Variants in UNC13C observed in about 807,000 individuals in gnomAD.
The protein encoded by UNC13C is unc-13 homolog C.
In UNC13C, 174 loss-of-function variants were observed where a neutral mutation model predicts 245.4. The observed-to-expected ratio is 0.71, with a 90% CI of 0.63 to 0.80. The LOEUF (loss-of-function observed/expected upper bound fraction) is 0.80. UNC13C is among the 30% of genes least tolerant of loss of function. The pLI, the probability that UNC13C is intolerant of heterozygous loss-of-function variation, is 0.00. For missense variants in UNC13C, 2,829 were observed against 2,602.9 expected, an observed-to-expected ratio of 1.09 and a Z score of -1.89; for synonymous variants, 992 against 895.1, an observed-to-expected ratio of 1.11 and a Z score of -1.93.
At chr15:54,544,155 A>T (rs554576051) in intron 26 of UNC13C, among the ~76,000 whole-genome samples, 14 of 152,294 alleles carry the variant, frequency 9.2e-5, no homozygotes, top group African/African-American at 2.9e-4. Context: ...CAAATCAGTA[A>T]ATGTAATCCA....
intron 19 of UNC13C, among the ~76,000 whole-genome samples, chr15:54,426,438 C>G (rs1305509717): frequency 6.6e-6 from 1 of 150,430 alleles, no homozygotes; most frequent in Non-Finnish European, 1.5e-5. Context: ...TAGTGCCCTC[C>G]AACATGGTGC....
intron 13 of UNC13C, among the ~76,000 whole-genome samples, chr15:54,312,184 T>C (rs1054672333): frequency 1.3e-5 from 2 of 151,720 alleles, no homozygotes; most frequent in African/African-American, 4.8e-5. Context: ...TGTGTTTTCA[T>C]GTAGACATAT....
chr15:54,424,209 A>T (rs1327188760), intron 19 of UNC13C, among the ~76,000 whole-genome samples: 3 of 151,886 alleles, frequency 2.0e-5, no homozygotes, highest in Non-Finnish European at 4.4e-5. Context: ...CCAATGAAAA[A>T]AAAAATAGCT....
intron 24 of UNC13C, among the ~76,000 whole-genome samples, chr15:54,515,838 C>T (rs1894950815): frequency 6.6e-6 from 1 of 152,106 alleles, no homozygotes. Flanking sequence ...AATGATAATG[C>T]TATTTGTATT....
At position 54,497,760 on chromosome 15, in the gene UNC13C, T is replaced by C. The variant is rs895183917; in HGVS notation, c.5061-2319T>C. ...TAATAGCATAGATTAGTTTTATAGA[T>C]TTTTATACTTTTTATAAATGGAATC... is the stretch of plus-strand genomic sequence containing the variant. On this transcript the variant is annotated intron_variant, in intron 20 of 32. Coordinates refer to ENST00000260323, the MANE Select transcript of UNC13C (RefSeq NM_001080534.3). Among the ~76,000 whole-genome samples the C allele has an allele frequency of 4.6e-5, 7 of 152,168 alleles. No homozygotes were observed. In the South Asian group the frequency reaches 1.5e-3, roughly 32 times the overall value.
intron 4 of UNC13C, among the ~76,000 whole-genome samples, chr15:54,176,832 A>G (rs1015786046): frequency 1.3e-5 from 2 of 152,156 alleles, no homozygotes; most frequent in Non-Finnish European, 2.9e-5. Flanking sequence ...TCTATGGAAC[A>G]AAAAGATGAA....
chr15:54,152,021 G>A (rs2032541629), intron 4 of UNC13C, among the ~76,000 whole-genome samples: 1 of 152,160 alleles, frequency 6.6e-6, no homozygotes, highest in South Asian at 2.1e-4. Context: ...CACTTCCAAA[G>A]GACTAGCATT....
Position 54,623,853 on chromosome 15 carries a change from A to T in UNC13C, c.6258A>T (p.Glu2086Asp). Residue 2086 changes from glutamate (E) to aspartate (D), a missense_variant, in exon 32 of 33, where the codon GAA becomes GAT. By Grantham distance (45) the Glu-to-Asp change is conservative. Coordinates refer to ENST00000260323, the MANE Select transcript of UNC13C (RefSeq NM_001080534.3). ...QTTAMFRPFV[E>D]VCILGPNLGD... ...CAGCAATGTTCCGCCCCTTTGTGGA[A>T]GTTTGTATACTGGGACCCAACCTTG... 1 of 1,613,168 alleles carries T rather than the reference A, an allele frequency of 6.2e-7. No homozygotes were observed.
chr15:53,976,637 A>T (rs1177416688), upstream of UNC13C: 2 of 151,946 alleles, frequency 1.3e-5, no homozygotes, highest in African/African-American at 2.4e-5. Flanking sequence ...AAGTCTGGCT[A>T]ATTTTCCTAC....
chr15:54,496,387 G>A (rs1893949612), intron 20 of UNC13C, among the ~76,000 whole-genome samples: 1 of 152,004 alleles, frequency 6.6e-6, no homozygotes, highest in Admixed American at 6.6e-5. Flanking sequence ...GAGGAAAGGT[G>A]AAGATTCCTT....
At chr15:54,615,146 T>C (rs1394733528) in intron 30 of UNC13C, among the ~76,000 whole-genome samples, 2 of 152,022 alleles carry the variant, frequency 1.3e-5, no homozygotes, top group African/African-American at 4.8e-5. Context: ...AGGCATGCAA[T>C]GTGAAATAAG....
At chr15:54,417,019 G>C (rs766373748) in intron 19 of UNC13C, 1 of 455,404 alleles carries the variant, frequency 2.2e-6, no homozygotes, top group Non-Finnish European at 4.4e-6. Context: ...TTCCCTCACC[G>C]CATTATCTGT....
At chr15:53,934,314 C>T in the UNC13C span, among the ~76,000 whole-genome samples, 6 of 152,200 alleles carry the variant, frequency 3.9e-5, no homozygotes, top group Admixed American at 6.5e-5. Context: ...CAAACACTCA[C>T]ACCTCACTGC....
chr15:54,132,741 C>T (rs2031503994), intron 2 of UNC13C, among the ~76,000 whole-genome samples: 1 of 152,130 alleles, frequency 6.6e-6, no homozygotes, highest in African/African-American at 2.4e-5. Flanking sequence ...GTATCAAAGT[C>T]GTATCTCTTT....
At chr15:54,207,241 G>C (rs537472667) in intron 4 of UNC13C, among the ~76,000 whole-genome samples, 1 of 151,992 alleles carries the variant, frequency 6.6e-6, no homozygotes, top group Non-Finnish European at 1.5e-5. Flanking sequence ...GGTGGGATCC[G>C]GTGAGGGGTG....
At chr15:54,338,583 CA>C (rs2038651424) in intron 17 of UNC13C, 94 bp downstream of exon 17, 2 of 1,370,988 alleles carry the variant, frequency 1.5e-6, no homozygotes, top group Admixed American at 4.4e-5. Context: ...AAAGTATGTT[CA>C]TTTAATTTCA....
chr15:54,056,333 T>A (rs1263048904), intron 2 of UNC13C, among the ~76,000 whole-genome samples: 1 of 152,028 alleles, frequency 6.6e-6, no homozygotes, highest in Non-Finnish European at 1.5e-5. Context: ...CAGTAACCGA[T>A]GCGATCAACT....
chr15:53,871,625 C>T, the UNC13C span, among the ~76,000 whole-genome samples: 9 of 152,168 alleles, frequency 5.9e-5, no homozygotes, highest in Middle Eastern at 3.4e-3. Flanking sequence ...TTTGCATGAG[C>T]GAATAAATGA....
intron 1 of UNC13C, among the ~76,000 whole-genome samples, chr15:53,984,297 C>G (rs1894040105): frequency 6.6e-6 from 1 of 152,058 alleles, no homozygotes; most frequent in African/African-American, 2.4e-5. Context: ...ACAGATTATG[C>G]ACAGTTTCCA....
Sources: allele counts gnomAD v4.1 joint callset (sites outside exome capture counted in the v4.1 genomes callset), GRCh38; gene constraint gnomAD v4.1.1; transcripts MANE v1.5; gene names NCBI Gene and HGNC (gene_info 2026-07-23, HGNC 2026-07-21).